Variants in GUCA1B observed in about 807,000 individuals in gnomAD.
GUCA1B encodes guanylyl cyclase-activating protein 2.
In GUCA1B, 22 loss-of-function variants were observed where a neutral mutation model predicts 24.2. The ratio of observed to expected loss-of-function variants is 0.91; its 90% CI spans 0.65 to 1.30. The LOEUF (loss-of-function observed/expected upper bound fraction) is 1.30. Among genes scored for constraint, GUCA1B ranks in the 50% most tolerant of loss-of-function variants. The probability of loss-of-function intolerance (pLI) is 0.00; values close to 1 mark genes in which losing one functional copy is unlikely to be tolerated. For missense variants in GUCA1B, 221 were observed against 258.8 expected (o/e 0.85, Z 1.00); for synonymous variants, 100 against 97.9 (o/e 1.02, Z -0.13).
chr6:42,187,577 C>G (rs369575058), intron 2 of GUCA1B, among the ~76,000 whole-genome samples: 1 of 151,562 alleles, frequency 6.6e-6, no homozygotes, highest in Non-Finnish European at 1.5e-5. Flanking sequence ...CGTACCACCA[C>G]GCCCAGCTAA....
rs779017048 is a variant in GUCA1B at position 42,184,979 on chromosome 6, AG to A, written c.476-38del. On this transcript the variant is annotated intron_variant, in intron 3 of 3. Transcript: ENST00000230361. ...GGAGGAGAGGTGGTCATGTAGAAGA[AG>A]GGGAGACCTGGGTCTGGGGGCAGGA... The A allele has an allele frequency of 3.7e-6, 6 of 1,610,636 alleles. No homozygotes were observed. The South Asian group carries it at 5.5e-5, about 15-fold the overall frequency.
Position 42,184,068 on chromosome 6 carries a change from C to T in GUCA1B, c.*747G>A, listed in dbSNP as rs900065896. 6.6e-6 allele frequency among the ~76,000 whole-genome samples: 1 copy of T among 151,992 alleles called. No homozygotes were observed. The highest frequency in any genetic ancestry group is 1.5e-5 in the Non-Finnish European group (1 of 67,962). On this transcript the variant is annotated 3_prime_UTR_variant, in exon 4 of 4. Coordinates refer to ENST00000230361, the MANE Select transcript of GUCA1B (RefSeq NM_002098.6). Reference sequence around the variant, plus strand: ...TAGAATTATTGCTGCCCCCTGCCCCCCAAAACTCCTGCCTTTTCTTTTCTT... The same window carrying T: ...TAGAATTATTGCTGCCCCCTGCCCCTCAAAACTCCTGCCTTTTCTTTTCTT...
Position 42,188,886 on chromosome 6 carries a change from T to TTCTATCTATCTATCTATCTATCTA in GUCA1B, c.208-156_208-155insTAGATAGATAGATAGATAGATAGA, listed in dbSNP as rs11270970. 4.5e-3 allele frequency among the ~76,000 whole-genome samples: 520 copies of TTCTATCTATCTATCTATCTATCTA among 116,446 alleles called. 8 individuals are homozygous for TTCTATCTATCTATCTATCTATCTA. The highest frequency in any genetic ancestry group is 0.024 in the African/African-American group (494 of 20,398). The allele number at this position is 116,446 out of a possible 152,430, so 76.4% of individuals were successfully genotyped here. Reference sequence around the variant, plus strand: ...TTCTCCACCCTTGGGGTAGAGAACATTCTATCTATCTATCTATATCTATAT... The same window carrying TTCTATCTATCTATCTATCTATCTA: ...TTCTCCACCCTTGGGGTAGAGAACATTCTATCTATCTATCTATCTATCTATCTATCTATCTATCTATATCTATAT... On this transcript the variant is annotated intron_variant, in intron 1 of 3. Coordinates refer to ENST00000230361, the MANE Select transcript of GUCA1B (RefSeq NM_002098.6).
chr6:42,188,840 T>C, intron 1 of GUCA1B, 109 bp from the exon 2 acceptor site: 2 of 1,050,062 alleles, frequency 1.9e-6, no homozygotes, highest in Admixed American at 2.0e-5. Flanking sequence ...CCATGTGGCC[T>C]CTGTGTCTTT....
intron 2 of GUCA1B, among the ~76,000 whole-genome samples, chr6:42,187,279 T>C (rs998671519): frequency 4.6e-5 from 7 of 151,976 alleles, no homozygotes; most frequent in African/African-American, 1.7e-4. Context: ...TAATTTTTTG[T>C]ATTTTTAGTA....
rs1768323952 is a variant in GUCA1B, at chr6:42,192,380, AGAGAGAAAAGAAAAGAAAAGAAAAG to A, written c.207+2209_207+2233del. Among the ~76,000 whole-genome samples, 13 of 15,274 alleles carry A rather than the reference AGAGAGAAAAGAAAAGAAAAGAAAAG, an allele frequency of 8.5e-4. 1 individual carries two copies. Among genetic ancestry groups the A allele is most frequent in the African/African-American group, 2.5e-3 (13 of 5,300 alleles). 10.0% of individuals were successfully genotyped at this position (15,274 alleles called of 152,430 possible). A position where few individuals can be genotyped will look rare whatever the true frequency, so the allele number is the denominator to read the frequency against. ...AAAAAAAAAAAAAAAAAAAAAAAAA[AGAGAGAAAAGAAAAGAAAAGAAAAG>A]AAAAAGGAAAAAAGAAAGAAACCTG... On this transcript the variant is annotated intron_variant, in intron 1 of 3. Coordinates refer to ENST00000230361, the MANE Select transcript of GUCA1B (RefSeq NM_002098.6).
chr6:42,190,706 T>C (rs906653201), intron 1 of GUCA1B, among the ~76,000 whole-genome samples: 1 of 152,128 alleles, frequency 6.6e-6, no homozygotes, highest in Non-Finnish European at 1.5e-5. Context: ...GGCATGCATC[T>C]CCTCCAGTGC....
At chr6:42,191,413 T>G (rs757531681) in intron 1 of GUCA1B, among the ~76,000 whole-genome samples, 3 of 152,156 alleles carry the variant, frequency 2.0e-5, no homozygotes, top group African/African-American at 7.2e-5. Flanking sequence ...ACACTTTTGA[T>G]TGGATTTGCT....
At chr6:42,191,830 G>C (rs34197187) in intron 1 of GUCA1B, among the ~76,000 whole-genome samples, 83,086 of 151,928 alleles carry the variant, frequency 0.55, 24,615 homozygotes, top group East Asian at 0.85. Flanking sequence ...GTCTTGTACC[G>C]GATGGTATGA....
chr6:42,185,912 CT>C, intron 2 of GUCA1B, 115 bp from the exon 3 acceptor site: 1 of 737,540 alleles, frequency 1.4e-6, no homozygotes, highest in Non-Finnish European at 2.5e-6. Context: ...GGCTGTGCGT[CT>C]TAGGATCACA....
intron 3 of GUCA1B, 103 bp downstream of exon 3, chr6:42,185,577 G>T: frequency 1.4e-6 from 1 of 739,838 alleles, no homozygotes; most frequent in Non-Finnish European, 2.4e-6. Flanking sequence ...CACAGATGAG[G>T]ACCCCAGGGT....
Position 42,188,568 on chromosome 6 carries a change from G to C in GUCA1B, c.357+14C>G, listed in dbSNP as rs1476555864. Reference sequence around the variant, plus strand: ...TAGTGCCCAGGCTGCTGGCCCATGGGCAGAGACACTAACCTCCACAATGTT... The same window carrying C: ...TAGTGCCCAGGCTGCTGGCCCATGGCCAGAGACACTAACCTCCACAATGTT... On this transcript the variant is annotated intron_variant, in intron 2 of 3. Transcript: ENST00000230361. 1.9e-6 allele frequency: 3 copies of C among 1,613,596 alleles called. No individual in the cohort carries two copies. In the South Asian group the frequency reaches 3.3e-5, roughly 18 times the overall value.
At chr6:42,185,473 C>T (rs1434906527) in intron 3 of GUCA1B, among the ~76,000 whole-genome samples, 2 of 152,218 alleles carry the variant, frequency 1.3e-5, no homozygotes, top group Non-Finnish European at 2.9e-5. Context: ...TGCCTGGCCT[C>T]CATCAGCAAC....
At chr6:42,188,330 G>T (rs1768233072) in intron 2 of GUCA1B, among the ~76,000 whole-genome samples, 1 of 149,862 alleles carries the variant, frequency 6.7e-6, no homozygotes, top group South Asian at 2.1e-4. Context: ...GTGTGTGTGT[G>T]TGTTCCACAG....
chr6:42,192,676 C>T (rs987081056), intron 1 of GUCA1B, among the ~76,000 whole-genome samples: 1 of 152,076 alleles, frequency 6.6e-6, no homozygotes, highest in African/African-American at 2.4e-5. Context: ...TGTGCCACTG[C>T]ACTCTAGCCT....
At chr6:42,194,543 T>A in intron 1 of GUCA1B, 71 bp downstream of exon 1, 1 of 929,378 alleles carries the variant, frequency 1.1e-6, no homozygotes, top group Non-Finnish European at 1.8e-6. Context: ...CTGGGAGCTC[T>A]CCCTGAGGAC....
intron 1 of GUCA1B, among the ~76,000 whole-genome samples, chr6:42,192,245 T>C (rs1271386443): frequency 1.4e-5 from 2 of 143,944 alleles, no homozygotes; most frequent in Non-Finnish European, 3.0e-5. Context: ...TCCCAGCTAC[T>C]GGGGAGGCTG....
At chr6:42,194,579 A>T in intron 1 of GUCA1B, 35 bp downstream of exon 1, 1 of 1,367,394 alleles carries the variant, frequency 7.3e-7, no homozygotes, top group Non-Finnish European at 1.0e-6. Context: ...CGCCAGGTGG[A>T]CTGGCCACTG....
At chr6:42,188,509 C>T in intron 2 of GUCA1B, 73 bp downstream of exon 2, 2 of 1,483,636 alleles carry the variant, frequency 1.3e-6, no homozygotes, top group Non-Finnish European at 1.9e-6. Context: ...CCGCTGGCCA[C>T]TTGTGGCCAA....
Sources: allele counts gnomAD v4.1 joint callset (sites outside exome capture counted in the v4.1 genomes callset), GRCh38; gene constraint gnomAD v4.1.1; transcripts MANE v1.5; gene names NCBI Gene and HGNC (gene_info 2026-07-23, HGNC 2026-07-21).